CCDC7: variants seen among roughly 807,000 people sequenced by gnomAD.
CCDC7 encodes the protein coiled-coil domain-containing protein 7.
A neutral mutation model predicts 196.9 loss-of-function variants in CCDC7; 183 were observed. The ratio of observed to expected loss-of-function variants is 0.93; its 90% CI spans 0.82 to 1.05. The LOEUF (loss-of-function observed/expected upper bound fraction) is 1.05, where lower values mean the gene tolerates loss of function less well. CCDC7 is among the 50% of genes least tolerant of loss of function. The pLI, the probability that CCDC7 is intolerant of heterozygous loss-of-function variation, is 0.00. For missense variants in CCDC7, 1,540 were observed against 1,482.2 expected, an observed-to-expected ratio of 1.04 and a Z score of -0.64; for synonymous variants, 525 against 484.6, an observed-to-expected ratio of 1.08 and a Z score of -1.10.
chr10:32,644,560 G>C (rs1591394), intron 20 of CCDC7, among the ~76,000 whole-genome samples: 52,252 of 152,016 alleles, frequency 0.34, 11,415 homozygotes, highest in Non-Finnish European at 0.49. Flanking sequence ...ATATGGTTTG[G>C]CTATGTTCCC....
chr10:32,816,035 A>G lies in CCDC7; in HGVS notation c.3181+1582A>G, dbSNP rs550783211. On this transcript the variant is annotated intron_variant, in intron 31 of 41. Transcript: ENST00000639629. Reference sequence around the variant, plus strand: ...ACCAAGTGTGAGCTGAAGCAGGGTGAGGCATCACCTCACCCGGGAAGTGCA... The same window carrying G: ...ACCAAGTGTGAGCTGAAGCAGGGTGGGGCATCACCTCACCCGGGAAGTGCA... Among the ~76,000 whole-genome samples, 4 of 152,340 alleles carry G rather than the reference A, an allele frequency of 2.6e-5. 1 individual carries two copies. In the South Asian group the frequency reaches 8.3e-4, roughly 32 times the overall value.
chr10:32,825,682 T>C (rs2091009992), intron 32 of CCDC7, among the ~76,000 whole-genome samples: 1 of 152,166 alleles, frequency 6.6e-6, no homozygotes, highest in South Asian at 2.1e-4. Context: ...GTTGGCTGCT[T>C]AATGTGATTA....
At chr10:32,541,501 AC>A (rs1309564715) in intron 11 of CCDC7, among the ~76,000 whole-genome samples, 1 of 151,992 alleles carries the variant, frequency 6.6e-6, no homozygotes, top group African/African-American at 2.4e-5. Flanking sequence ...AGCAAGCCTT[AC>A]CCGCCTGGCT....
intron 25 of CCDC7, among the ~76,000 whole-genome samples, chr10:32,720,110 C>G (rs1229521596): frequency 6.6e-6 from 1 of 152,108 alleles, no homozygotes; most frequent in Admixed American, 6.5e-5. Context: ...TATTGCAGCA[C>G]TATTCACAAT....
rs181556973 is a variant in CCDC7, at chr10:32,457,543, A to G, written c.456+1209A>G. The stretch of plus-strand genomic sequence containing the variant: ...CTGATTTCCTTTCCTGTGGATATAC[A>G]CCCAGTAGTGGAATTGCTGGATCAT... On this transcript the variant is annotated intron_variant, in intron 3 of 41. Coordinates refer to ENST00000639629, the Ensembl canonical transcript of CCDC7. Among the ~76,000 whole-genome samples the G allele has an allele frequency of 7.9e-3, 1,201 of 152,214 alleles. 7 individuals are homozygous for G. The highest frequency in any genetic ancestry group is 0.02 in the Middle Eastern group (6 of 294).
intron 9 of CCDC7, among the ~76,000 whole-genome samples, chr10:32,503,849 G>C (rs917412654): frequency 2.3e-4 from 35 of 151,794 alleles, no homozygotes; most frequent in African/African-American, 8.0e-4. Context: ...AGTCTTGGTA[G>C]GTTGTATGTT....
intron 5 of CCDC7, 111 bp downstream of exon 6, chr10:32,463,160 G>T: frequency 7.3e-7 from 1 of 1,363,618 alleles, no homozygotes; most frequent in Non-Finnish European, 1.0e-6. Context: ...ATAACTGTTG[G>T]TTATAAAGTA....
chr10:32,616,258 A>G (rs1221747958), intron 18 of CCDC7, among the ~76,000 whole-genome samples: 1 of 152,020 alleles, frequency 6.6e-6, no homozygotes, highest in Non-Finnish European at 1.5e-5. Flanking sequence ...TAGTATGGTC[A>G]TTTCAATAAT....
At chr10:32,543,537 A>G in intron 12 of CCDC7, 152 bp downstream of exon 13, 11 of 848,566 alleles carry the variant, frequency 1.3e-5, no homozygotes, top group South Asian at 3.8e-5. Context: ...GCATACCAGT[A>G]TATGATTATG....
intron 30 of CCDC7, among the ~76,000 whole-genome samples, chr10:32,811,169 C>A (rs2087003913): frequency 6.6e-6 from 1 of 151,766 alleles, no homozygotes; most frequent in Non-Finnish European, 1.5e-5. Context: ...AGGATCAGAG[C>A]AGAACTAAGT....
intron 11 of CCDC7, among the ~76,000 whole-genome samples, chr10:32,529,832 A>T (rs1055310484): frequency 2.6e-5 from 4 of 152,132 alleles, no homozygotes; most frequent in Non-Finnish European, 4.4e-5. Flanking sequence ...GTTCTTGGTT[A>T]TGAAGTCTTT....
chr10:32,486,319 C>A (rs1244826447), intron 8 of CCDC7, among the ~76,000 whole-genome samples: 3 of 151,494 alleles, frequency 2.0e-5, no homozygotes, highest in Non-Finnish European at 2.9e-5. Context: ...AGGATTGCAA[C>A]CCCTGCCTTT....
At chr10:32,802,616 A>T (rs915286582) in intron 29 of CCDC7, among the ~76,000 whole-genome samples, 2 of 152,178 alleles carry the variant, frequency 1.3e-5, no homozygotes, top group African/African-American at 4.8e-5. Context: ...TGACTCACAC[A>T]ATCAAAAGGT....
intron 28 of CCDC7, among the ~76,000 whole-genome samples, chr10:32,764,010 A>G (rs59252764): frequency 0.088 from 13,419 of 151,950 alleles, 871 homozygotes; most frequent in East Asian, 0.33. Flanking sequence ...ATATTAATTA[A>G]CTTGATTTAA....
intron 18 of CCDC7, among the ~76,000 whole-genome samples, chr10:32,600,301 G>GTTTTTTTTTTTTTTT (rs35364422): frequency 6.8e-6 from 1 of 146,260 alleles, no homozygotes; most frequent in Non-Finnish European, 1.5e-5. Context: ...TATATTTCTA[G>GTTTTTTTTTTTTTTT]TTTTTTTTTT....
In CCDC7 at chr10:32,593,341, A is replaced by G. The variant is rs932139989; in HGVS notation, c.1801+9037A>G. Among the ~76,000 whole-genome samples, 67 of 152,260 alleles carry G rather than the reference A, an allele frequency of 4.4e-4. 3 individuals carry two copies. The highest frequency in any genetic ancestry group is 4.3e-3 in the Admixed American group (66 of 15,290). On this transcript the variant is annotated intron_variant, in intron 18 of 41. Transcript: ENST00000639629. ...TTCTGTGTTTTTTGGCTACATAAAT[A>G]TCTTCTTTTGAGAAGTGTCTGTTCA...
chr10:32,780,387 C>T (rs2080851943), intron 29 of CCDC7, among the ~76,000 whole-genome samples: 1 of 152,130 alleles, frequency 6.6e-6, no homozygotes, highest in Non-Finnish European at 1.5e-5. Flanking sequence ...TGTAACTCTG[C>T]TCTTTGTATC....
rs533410408 is a variant in CCDC7 at position 32,755,762 on chromosome 10, G to A, written c.2906-23215G>A. 1.6e-4 allele frequency among the ~76,000 whole-genome samples: 24 copies of A among 152,214 alleles called. No individual in the cohort carries two copies. The East Asian group carries it at 2.5e-3, about 16-fold the overall frequency. On this transcript the variant is annotated intron_variant, in intron 28 of 41. Transcript: ENST00000639629. ...AAGCTGGACGGAGAATGACTTTGAC[G>A]AGTTGAGAGAAGAAGGCTTCAGACG...
Position 32,757,010 on chromosome 10 carries a change from G to A in CCDC7, c.2906-21967G>A, listed in dbSNP as rs1015419661. 2.1e-4 allele frequency among the ~76,000 whole-genome samples: 32 copies of A among 152,104 alleles called. 2 individuals are homozygous for A. Among genetic ancestry groups the A allele is most frequent in the Non-Finnish European group, 2.9e-5 (2 of 68,006 alleles). ...AAGATCAAAAGAGACAAAGAAGGCTGTTACATAAAGGTAAAGGGATCAATT... is the reference window on the plus strand; with the variant it reads ...AAGATCAAAAGAGACAAAGAAGGCTATTACATAAAGGTAAAGGGATCAATT... On this transcript the variant is annotated intron_variant, in intron 28 of 41. Transcript: ENST00000639629.
Sources: gnomAD v4.1 joint callset for allele counts (sites outside exome capture counted in the v4.1 genomes callset) on GRCh38, gnomAD v4.1.1 for gene constraint, MANE v1.5 for transcripts, NCBI Gene and HGNC (gene_info 2026-07-23, HGNC 2026-07-21) for gene names.